The following EXOC4 variants were observed in gnomAD, a reference collection of about 807,000 sequenced individuals.
EXOC4 encodes the protein SEC8-like 1.
EXOC4 carries 71 observed loss-of-function variants against 107.2 expected under a neutral mutation model. The ratio of observed to expected loss-of-function variants is 0.66; its 90% confidence interval spans 0.55 to 0.81. The LOEUF (loss-of-function observed/expected upper bound fraction) is 0.81, where lower values mean the gene tolerates loss of function less well. Ranked by LOEUF, EXOC4 falls within the 30% of genes least tolerant of loss-of-function variation. The pLI is 0.00. For missense variants in EXOC4, 1,108 were observed against 1,189.6 expected (o/e 0.93, Z 1.01); for synonymous variants, 456 against 441.2 (o/e 1.03, Z -0.42).
chr7:133,842,420 A>T (rs1798041368), intron 11 of EXOC4, among the ~76,000 whole-genome samples: 1 of 152,094 alleles, frequency 6.6e-6, no homozygotes, highest in Non-Finnish European at 1.5e-5. Flanking sequence ...GCATTTTTTC[A>T]TATGCTTCTT....
At chr7:133,391,609 A>G (rs1014716185) in intron 7 of EXOC4, among the ~76,000 whole-genome samples, 4 of 152,246 alleles carry the variant, frequency 2.6e-5, no homozygotes, top group African/African-American at 9.6e-5. Flanking sequence ...AGGAATGAGC[A>G]TGGAAGTAAA....
At chr7:133,665,448 C>T (rs892964416) in intron 10 of EXOC4, among the ~76,000 whole-genome samples, 2 of 151,998 alleles carry the variant, frequency 1.3e-5, no homozygotes, top group African/African-American at 2.4e-5. Flanking sequence ...GAAAGTAATC[C>T]TTCTGGCAAA....
intron 10 of EXOC4, among the ~76,000 whole-genome samples, chr7:133,772,407 A>G (rs1399509029): frequency 6.6e-6 from 1 of 152,078 alleles, no homozygotes; most frequent in Non-Finnish European, 1.5e-5. Flanking sequence ...TCTTTTCTAA[A>G]ATAGAACTTG....
intron 7 of EXOC4, among the ~76,000 whole-genome samples, chr7:133,444,790 G>A (rs1798180863): frequency 6.6e-6 from 1 of 152,176 alleles, no homozygotes; most frequent in African/African-American, 2.4e-5. Flanking sequence ...GAGATCATGA[G>A]CAGGTTGGTC....
chr7:133,952,895 A>G (rs1800725701), intron 14 of EXOC4, among the ~76,000 whole-genome samples: 1 of 152,186 alleles, frequency 6.6e-6, no homozygotes, highest in Non-Finnish European at 1.5e-5. Context: ...CCATTCATCC[A>G]TCAGTGGATG....
At chr7:133,282,067 AG>A (rs1409017877) in intron 2 of EXOC4, among the ~76,000 whole-genome samples, 9 of 152,186 alleles carry the variant, frequency 5.9e-5, no homozygotes, top group Non-Finnish European at 1.2e-4. Context: ...TGTGTCCATA[AG>A]CCCCTCTCAC....
At chr7:133,503,110 A>G (rs1466063514) in intron 9 of EXOC4, among the ~76,000 whole-genome samples, 1 of 152,174 alleles carries the variant, frequency 6.6e-6, no homozygotes, top group Non-Finnish European at 1.5e-5. Context: ...GTTGGCATCC[A>G]GTTCTAAGAG....
chr7:133,679,039 A>G (rs180685821), intron 10 of EXOC4, among the ~76,000 whole-genome samples: 1 of 152,050 alleles, frequency 6.6e-6, no homozygotes, highest in South Asian at 2.1e-4. Flanking sequence ...AACCGATGTC[A>G]TAACTTCTGT....
At chr7:133,557,540 A>G (rs1800716465) in intron 9 of EXOC4, among the ~76,000 whole-genome samples, 1 of 152,224 alleles carries the variant, frequency 6.6e-6, no homozygotes, top group South Asian at 2.1e-4. Context: ...TTGAATAAAT[A>G]GAGTCAATAG....
rs138491406 is a variant in EXOC4 at position 134,052,902 on chromosome 7, G to A, written c.2688-11389G>A. Among the ~76,000 whole-genome samples, 129 of 152,168 alleles carry A rather than the reference G, an allele frequency of 8.5e-4. No homozygotes were observed. The East Asian group carries it at 0.02, about 24-fold the overall frequency. ...ACCATTATCCTGACCATCTCCCCCCGGAGTTACATCAGAATAACCCTTTGT... is the reference window on the plus strand; with the variant it reads ...ACCATTATCCTGACCATCTCCCCCCAGAGTTACATCAGAATAACCCTTTGT... On this transcript the variant is annotated intron_variant, in intron 17 of 17. Transcript: ENST00000253861.
At chr7:133,302,745 T>A (rs907539414) in intron 3 of EXOC4, among the ~76,000 whole-genome samples, 9 of 152,258 alleles carry the variant, frequency 5.9e-5, no homozygotes, top group South Asian at 2.1e-4. Context: ...TGTTTTTTTT[T>A]ATAATTTCTT....
intron 7 of EXOC4, 99 bp from the exon 8 acceptor site, chr7:133,475,229 T>A: frequency 9.6e-7 from 1 of 1,036,724 alleles, no homozygotes. Flanking sequence ...TCCTGAATGT[T>A]GGTTTTAGAA....
At chr7:133,275,324 T>C (rs12112133) in intron 2 of EXOC4, among the ~76,000 whole-genome samples, 153 bp downstream of exon 2, 48,481 of 151,908 alleles carry the variant, frequency 0.32, 9,116 homozygotes, top group African/African-American at 0.53. Flanking sequence ...GAAAGGCTGG[T>C]TGGGAAAGAT....
At chr7:133,669,004 A>ATTTTTTTTTTTT (rs58354607) in intron 10 of EXOC4, among the ~76,000 whole-genome samples, 1 of 118,450 alleles carries the variant, frequency 8.4e-6, no homozygotes, top group Admixed American at 9.6e-5. Flanking sequence ...TGTTCTCCCA[A>ATTTTTTTTTTTT]TTTTTTTTTT....
At chr7:133,790,699 A>T (rs941596279) in intron 10 of EXOC4, among the ~76,000 whole-genome samples, 3 of 152,378 alleles carry the variant, frequency 2.0e-5, no homozygotes, top group African/African-American at 7.2e-5. Flanking sequence ...TGAAGGCAAC[A>T]TGTGACTGAA....
chr7:134,012,675 A>G (rs1209509534), intron 17 of EXOC4, among the ~76,000 whole-genome samples: 2 of 152,134 alleles, frequency 1.3e-5, no homozygotes, highest in South Asian at 2.1e-4. Context: ...TCATCAGCAT[A>G]TAGGTGGGAT....
chr7:133,971,645 AT>A (rs1435290003), intron 14 of EXOC4, among the ~76,000 whole-genome samples: 5 of 152,066 alleles, frequency 3.3e-5, no homozygotes, highest in Admixed American at 3.3e-4. Flanking sequence ...AAAAGTGCTG[AT>A]TTCCATGTGA....
chr7:133,455,458 C>T (rs1798442014), intron 7 of EXOC4, among the ~76,000 whole-genome samples: 1 of 152,090 alleles, frequency 6.6e-6, no homozygotes, highest in South Asian at 2.1e-4. Context: ...TTTTATCTGA[C>T]AAAGTTTAGG....
chr7:133,749,969 T>G (rs973713418), intron 10 of EXOC4, among the ~76,000 whole-genome samples: 7 of 146,334 alleles, frequency 4.8e-5, no homozygotes, highest in Middle Eastern at 7.0e-3. Context: ...TTTTTTTTTT[T>G]TTTTTTTTTT....
Sources: allele counts gnomAD v4.1 joint callset (sites outside exome capture counted in the v4.1 genomes callset), GRCh38; gene constraint gnomAD v4.1.1; transcripts MANE v1.5; gene names NCBI Gene and HGNC (gene_info 2026-07-23, HGNC 2026-07-21).